Variants in RASGRF2 observed in about 807,000 individuals in gnomAD.
RASGRF2 encodes ras-specific guanine nucleotide-releasing factor 2.
Under a neutral mutation model 151.0 loss-of-function variants are expected in RASGRF2, and 76 were observed. The ratio of observed to expected loss-of-function variants is 0.50; its 90% CI spans 0.42 to 0.61. RASGRF2 has a LOEUF of 0.61. RASGRF2 is among the 20% of genes least tolerant of loss of function. The pLI, the probability that RASGRF2 is intolerant of heterozygous loss-of-function variation, is 0.00. For synonymous variants in RASGRF2, 504 were observed against 566.5 expected (o/e 0.89, Z 1.57); for missense variants, 1,148 against 1,564.6 (o/e 0.73, Z 4.49).
intron 4 of RASGRF2, among the ~76,000 whole-genome samples, 196 bp downstream of exon 4, chr5:81,070,777 T>G (rs1402285567): frequency 6.6e-6 from 1 of 152,050 alleles, no homozygotes; most frequent in East Asian, 1.9e-4. Flanking sequence ...TTACACTGTC[T>G]AGGAAGGATG....
At position 81,228,571 on chromosome 5, in the gene RASGRF2, A is replaced by G. The variant is rs888983379; in HGVS notation, c.*2801A>G. On this transcript the variant is annotated 3_prime_UTR_variant, in exon 27 of 27. Coordinates refer to ENST00000265080, the MANE Select transcript of RASGRF2 (RefSeq NM_006909.3). Reference sequence around the variant, plus strand: ...TAACAGCCAAGTAGCGAACATGTATACTGTAAAATTAACCTAGAAAATCAG... The same window carrying G: ...TAACAGCCAAGTAGCGAACATGTATGCTGTAAAATTAACCTAGAAAATCAG... The G allele has an allele frequency of 6.6e-6, 1 of 152,214 alleles. No individual in the cohort carries two copies. Among genetic ancestry groups the G allele is most frequent in the Non-Finnish European group, 1.5e-5 (1 of 68,040 alleles). 9.4% of individuals were successfully genotyped at this position (152,214 alleles called of 1,614,324 possible). A position where few individuals can be genotyped will look rare whatever the true frequency, so the allele number is the denominator to read the frequency against.
intron 5 of RASGRF2, among the ~76,000 whole-genome samples, chr5:81,074,327 G>A (rs1751873044): frequency 6.6e-6 from 1 of 152,124 alleles, no homozygotes; most frequent in African/African-American, 2.4e-5. Flanking sequence ...GAAGGGAATG[G>A]GAGAAGGGGG....
intron 12 of RASGRF2, among the ~76,000 whole-genome samples, chr5:81,103,456 A>T (rs1276099662): frequency 6.6e-6 from 1 of 152,120 alleles, no homozygotes; most frequent in Admixed American, 6.5e-5. Context: ...CAGATGGAAA[A>T]TAGAGTTAGA....
intron 1 of RASGRF2, among the ~76,000 whole-genome samples, chr5:81,026,250 CCTTCT>C (rs1301652527): frequency 6.6e-6 from 1 of 151,358 alleles, no homozygotes; most frequent in African/African-American, 2.4e-5. Flanking sequence ...TTCTGTCTCC[CCTTCT>C]CTTTTTTTTT....
intron 17 of RASGRF2, among the ~76,000 whole-genome samples, chr5:81,133,964 G>A (rs1464481672): frequency 6.6e-6 from 1 of 151,968 alleles, no homozygotes; most frequent in Non-Finnish European, 1.5e-5. Flanking sequence ...ATGATATCTG[G>A]TCCTATACCT....
At chr5:81,113,451 A>G in intron 14 of RASGRF2, 87 bp from the exon 15 acceptor site, 1 of 1,418,458 alleles carries the variant, frequency 7.0e-7, no homozygotes, top group Non-Finnish European at 9.7e-7. Flanking sequence ...TGTGACCTAT[A>G]AATGAAGGGA....
intron 1 of RASGRF2, among the ~76,000 whole-genome samples, chr5:81,001,900 G>A (rs184603891): frequency 2.6e-5 from 4 of 152,272 alleles, no homozygotes; most frequent in East Asian, 1.9e-4. Flanking sequence ...TCTCCTCATC[G>A]ACTGGTTTGA....
At position 81,217,488 on chromosome 5, in the gene RASGRF2, A is replaced by T; in HGVS notation, c.3552+15A>T. ...AAATGAGAATGGTAGGTATAATTTC[A>T]TAATTAGCCTGTTTCAATGGCTTTA... On this transcript the variant is annotated intron_variant, in intron 25 of 26. Coordinates refer to ENST00000265080, the MANE Select transcript of RASGRF2 (RefSeq NM_006909.3). 6.2e-7 allele frequency: 1 copy of T among 1,602,356 alleles called. No homozygotes were observed. The highest frequency in any genetic ancestry group is 8.5e-7 in the Non-Finnish European group (1 of 1,173,436).
chr5:81,199,873 G>A lies in RASGRF2; in HGVS notation c.2794-1457G>A, dbSNP rs183646152. 2.2e-4 allele frequency among the ~76,000 whole-genome samples: 32 copies of A among 148,358 alleles called. No individual in the cohort carries two copies. The East Asian group carries it at 4.7e-3, about 22-fold the overall frequency. Reference sequence around the variant, plus strand: ...AGATCACGTCACTGCACTCCAGCCCGGGTGACAGAGTGAGACTCCATCTCA... The same window carrying A: ...AGATCACGTCACTGCACTCCAGCCCAGGTGACAGAGTGAGACTCCATCTCA... On this transcript the variant is annotated intron_variant, in intron 18 of 26. Transcript: ENST00000265080.
At chr5:81,012,918 A>G (rs1749514733) in intron 1 of RASGRF2, among the ~76,000 whole-genome samples, 1 of 152,176 alleles carries the variant, frequency 6.6e-6, no homozygotes, top group Admixed American at 6.5e-5. Flanking sequence ...GTTCAAGTAC[A>G]TACAGAAGCA....
chr5:81,015,124 C>G (rs1054515796), intron 1 of RASGRF2, among the ~76,000 whole-genome samples: 1 of 152,118 alleles, frequency 6.6e-6, no homozygotes, highest in Non-Finnish European at 1.5e-5. Context: ...TGCCAACCAT[C>G]TTCACAAAGA....
intron 1 of RASGRF2, among the ~76,000 whole-genome samples, chr5:80,977,914 A>G (rs1748177957): frequency 6.6e-6 from 1 of 152,190 alleles, no homozygotes; most frequent in Non-Finnish European, 1.5e-5. Context: ...CTAGTTTGTA[A>G]GCATGTTTAT....
chr5:81,099,914 T>C (rs1023440424), intron 12 of RASGRF2, among the ~76,000 whole-genome samples: 24 of 119,400 alleles, frequency 2.0e-4, no homozygotes, highest in East Asian at 1.4e-3. Context: ...TTTCTTTTTT[T>C]TTTTTTTTTT....
At chr5:80,994,102 A>G (rs7731059) in intron 1 of RASGRF2, among the ~76,000 whole-genome samples, 32,344 of 152,018 alleles carry the variant, frequency 0.21, 5,540 homozygotes, top group African/African-American at 0.46. Context: ...CCTGCGAAGT[A>G]CACTTTAAGA....
At chr5:81,107,196 CAAAA>C (rs35987554) in intron 12 of RASGRF2, among the ~76,000 whole-genome samples, 1 of 94,320 alleles carries the variant, frequency 1.1e-5, no homozygotes, top group African/African-American at 4.2e-5. Flanking sequence ...CCTGTCTCTA[CAAAA>C]AAAAAAAAAA....
chr5:81,196,628 C>G (rs992173405), intron 18 of RASGRF2, among the ~76,000 whole-genome samples: 2 of 151,244 alleles, frequency 1.3e-5, no homozygotes, highest in Non-Finnish European at 2.9e-5. Flanking sequence ...CCACTCCCCC[C>G]TCCCCCGTTG....
At chr5:81,048,098 G>A (rs1750895627) in intron 2 of RASGRF2, among the ~76,000 whole-genome samples, 1 of 152,184 alleles carries the variant, frequency 6.6e-6, no homozygotes, top group Admixed American at 6.5e-5. Flanking sequence ...TCAGAGAAGA[G>A]TGATGACATA....
chr5:81,059,383 CAAAA>C (rs35051372), intron 2 of RASGRF2, among the ~76,000 whole-genome samples: 8 of 89,676 alleles, frequency 8.9e-5, no homozygotes, highest in Admixed American at 1.3e-4. Flanking sequence ...GACTCCGCCT[CAAAA>C]AAAAAAAAAA....
At position 80,960,419 on chromosome 5, in the gene RASGRF2, G is replaced by A. The variant is rs1747504090; in HGVS notation, c.-320G>A. Among the ~76,000 whole-genome samples, 1 of 150,892 alleles carries A rather than the reference G, an allele frequency of 6.6e-6. No individual in the cohort carries two copies. Among genetic ancestry groups the A allele is most frequent in the East Asian group, 1.9e-4 (1 of 5,160 alleles). ...GCGGGGGCTCGGCTCCCGCAACTTT[G>A]GGCGAAGCGGCGGCCGGCTCGGGCG... is the stretch of plus-strand genomic sequence containing the variant. On this transcript the variant is annotated 5_prime_UTR_variant, in exon 1 of 27. Transcript: ENST00000265080. The surrounding 1 kb of genome is among the most constrained non-coding windows in gnomAD (Gnocchi z 5.5).
Sources: allele counts gnomAD v4.1 joint callset (sites outside exome capture counted in the v4.1 genomes callset), GRCh38; gene constraint gnomAD v4.1.1; non-coding constraint Gnocchi (gnomAD v3.1); transcripts MANE v1.5; gene names NCBI Gene and HGNC (gene_info 2026-07-23, HGNC 2026-07-21).